The following ADGRL2 variants were observed in gnomAD, a reference collection of about 807,000 sequenced individuals.
The protein encoded by ADGRL2 is calcium-independent alpha-latrotoxin receptor 2.
ADGRL2 carries 44 observed loss-of-function variants against 157.4 expected under a neutral mutation model. That is an observed-to-expected ratio of 0.28 (90% confidence interval 0.22 to 0.36). The LOEUF (loss-of-function observed/expected upper bound fraction) is 0.36. ADGRL2 is among the 10% of genes least tolerant of loss of function. The probability of loss-of-function intolerance (pLI) is 1.00; values close to 1 mark genes in which losing one functional copy is unlikely to be tolerated. For missense variants in ADGRL2, 1,510 were observed against 1,768.9 expected, an observed-to-expected ratio of 0.85 and a Z score of 2.63; for synonymous variants, 585 against 624.7, an observed-to-expected ratio of 0.94 and a Z score of 0.95.
Position 81,324,537 on chromosome 1 carries a change from T to A in ADGRL2, c.-302+18028T>A, listed in dbSNP as rs936227693. Among the ~76,000 whole-genome samples the A allele has an allele frequency of 6.0e-5, 9 of 149,340 alleles. 1 individual carries two copies. In the South Asian group the frequency reaches 1.9e-3, roughly 31 times the overall value. ...AAAAAAAAAATCTATCTATATAATATTTTTAAAATTATATATTAAAAAGTT... is the reference window on the plus strand; with the variant it reads ...AAAAAAAAAATCTATCTATATAATAATTTTAAAATTATATATTAAAAAGTT... On this transcript the variant is annotated intron_variant, in intron 1 of 24. Transcript: ENST00000370721.
At position 81,860,023 on chromosome 1, in the gene ADGRL2, G is replaced by T. The variant is rs149832556; in HGVS notation, c.73+22966G>T. Among the ~76,000 whole-genome samples the T allele has an allele frequency of 3.9e-3, 600 of 151,926 alleles. 3 individuals carry two copies. Among genetic ancestry groups the T allele is most frequent in the African/African-American group, 0.013 (543 of 41,462 alleles). ...GCGAATCACAAGGTCAGGAGTTCCAGACCAGCTTGGCCAACATAGTGAAAC... is the reference window on the plus strand; with the variant it reads ...GCGAATCACAAGGTCAGGAGTTCCATACCAGCTTGGCCAACATAGTGAAAC... On this transcript the variant is annotated intron_variant, in intron 2 of 23. Coordinates refer to ENST00000686636, the MANE Select transcript of ADGRL2 (RefSeq NM_001366006.2).
intron 2 of ADGRL2, among the ~76,000 whole-genome samples, chr1:81,470,101 C>T (rs554989854): frequency 3.3e-5 from 5 of 152,294 alleles, no homozygotes; most frequent in South Asian, 4.1e-4. Context: ...TGTTCTTCTG[C>T]CTTTCAACAA....
At chr1:81,397,216 T>C (rs899209543) in intron 1 of ADGRL2, among the ~76,000 whole-genome samples, 4 of 152,120 alleles carry the variant, frequency 2.6e-5, no homozygotes, top group African/African-American at 9.7e-5. Flanking sequence ...CGGGAATTTA[T>C]CCATTTCCAC....
At chr1:81,522,221 T>C (rs1160205994) in intron 2 of ADGRL2, among the ~76,000 whole-genome samples, 1 of 152,088 alleles carries the variant, frequency 6.6e-6, no homozygotes, top group Non-Finnish European at 1.5e-5. Flanking sequence ...CACCTCAGCC[T>C]CCCAAAGTGC....
intron 1 of ADGRL2, among the ~76,000 whole-genome samples, chr1:81,419,897 A>T (rs532116015): frequency 6.6e-6 from 1 of 152,180 alleles, no homozygotes; most frequent in Admixed American, 6.5e-5. Flanking sequence ...TCTTTTAGGA[A>T]TATATTATTA....
At chr1:81,935,267 C>T (rs1205035556) in intron 3 of ADGRL2, among the ~76,000 whole-genome samples, 2 of 151,846 alleles carry the variant, frequency 1.3e-5, no homozygotes, top group Non-Finnish European at 2.9e-5. Context: ...ATACCATTTA[C>T]ATTATTTACG....
At chr1:81,429,794 G>A (rs139480762) in intron 1 of ADGRL2, among the ~76,000 whole-genome samples, 6 of 152,320 alleles carry the variant, frequency 3.9e-5, no homozygotes, top group Admixed American at 1.3e-4. Flanking sequence ...GCCAGGCAAC[G>A]TTTCGGGTAA....
chr1:81,988,078 TC>T (rs1663702732), intron 23 of ADGRL2, among the ~76,000 whole-genome samples, 192 bp downstream of exon 23: 1 of 152,058 alleles, frequency 6.6e-6, no homozygotes, highest in Admixed American at 6.6e-5. Flanking sequence ...GTAATGGAGG[TC>T]TGTAGCAAAT....
chr1:81,794,803 T>A (rs2087508918), intron 2 of ADGRL2, among the ~76,000 whole-genome samples: 1 of 152,200 alleles, frequency 6.6e-6, no homozygotes, highest in South Asian at 2.1e-4. Flanking sequence ...ATACTATTCT[T>A]TTATTAAGAA....
At chr1:81,403,238 TGTTG>T (rs1437423574) in intron 1 of ADGRL2, among the ~76,000 whole-genome samples, 6 of 96,206 alleles carry the variant, frequency 6.2e-5, no homozygotes, top group Non-Finnish European at 1.1e-4. Flanking sequence ...GTTTTTTTTT[TGTTG>T]TTGTTTGTTT....
chr1:81,418,936 C>G (rs1055573579), intron 1 of ADGRL2, among the ~76,000 whole-genome samples: 3 of 152,138 alleles, frequency 2.0e-5, no homozygotes, highest in African/African-American at 7.2e-5. Flanking sequence ...ATTCTCTATA[C>G]TGAGGTATCC....
chr1:81,666,305 G>A (rs902143954), intron 3 of ADGRL2, among the ~76,000 whole-genome samples: 1 of 152,096 alleles, frequency 6.6e-6, no homozygotes, highest in Non-Finnish European at 1.5e-5. Flanking sequence ...CCAATGAAGT[G>A]GTTTCTGTGG....
Position 81,386,832 on chromosome 1 carries a change from A to G in ADGRL2, c.-301-58204A>G, listed in dbSNP as rs1311771543. 3.3e-5 allele frequency among the ~76,000 whole-genome samples: 5 copies of G among 152,246 alleles called. No homozygotes were observed. The East Asian group carries it at 7.7e-4, about 24-fold the overall frequency. On this transcript the variant is annotated intron_variant, in intron 1 of 24. Transcript: ENST00000370721. ...TTTTTTTTCCCAGCTGAAATGTATT[A>G]ACATATGCTGTACCATCACACAGGA...
chr1:81,993,088 T>TATATATATATATATA lies in ADGRL2; in HGVS notation c.*1943_*1944insATATATATATATATA, dbSNP rs1491265569. 1.9e-3 allele frequency among the ~76,000 whole-genome samples: 37 copies of TATATATATATATATA among 19,664 alleles called. No homozygotes were observed. Among genetic ancestry groups the TATATATATATATATA allele is most frequent in the African/African-American group, 3.4e-3 (14 of 4,074 alleles). The allele number at this position is 19,664 out of a possible 152,430, so 12.9% of individuals were successfully genotyped here. On this transcript the variant is annotated 3_prime_UTR_variant, in exon 24 of 24. Coordinates refer to ENST00000686636, the MANE Select transcript of ADGRL2 (RefSeq NM_001366006.2). ...ATATATATATATATATATATATATA[T>TATATATATATATATA]TTTTTTTTTTTTTTTTTTTTTTTTT...
At chr1:81,747,104 T>C (rs1264832541) in intron 1 of ADGRL2, among the ~76,000 whole-genome samples, 2 of 144,852 alleles carry the variant, frequency 1.4e-5, no homozygotes, top group Non-Finnish European at 3.0e-5. Context: ...AATATATACA[T>C]ATATGTGTAT....
chr1:81,386,469 A>T (rs1189950726), intron 1 of ADGRL2, among the ~76,000 whole-genome samples: 7 of 152,156 alleles, frequency 4.6e-5, no homozygotes, highest in African/African-American at 1.4e-4. Flanking sequence ...ACAGATGTGC[A>T]TCCAATACCA....
chr1:81,703,571 T>G (rs2083641061), intron 1 of ADGRL2, among the ~76,000 whole-genome samples: 1 of 152,048 alleles, frequency 6.6e-6, no homozygotes, highest in African/African-American at 2.4e-5. Context: ...GATCATCTCC[T>G]GGGAGAGTAA....
chr1:81,984,621 C>T lies in ADGRL2; in HGVS notation c.3321C>T (p.Tyr1107=). The T allele has an allele frequency of 6.2e-7, 1 of 1,612,394 alleles. No individual in the cohort carries two copies. The highest frequency in any genetic ancestry group is 8.5e-7 in the Non-Finnish European group (1 of 1,178,832). The change falls in exon 20 of 24, where the codon TAC becomes TAT. Residue 1107 remains tyrosine (Y), a synonymous_variant. Transcript: ENST00000686636. ...ATGGCAAGTGCTTCAGACACTCATA[C>T]TGCTGTGGAGGCCTCCCAACTGAGA... ...KEYGKCFRHS[Y]CCGGLPTESP...
chr1:81,887,740 G>C (rs550450732), intron 2 of ADGRL2, among the ~76,000 whole-genome samples: 23 of 152,246 alleles, frequency 1.5e-4, no homozygotes, highest in Admixed American at 9.2e-4. Flanking sequence ...AAAAAGAGGA[G>C]AAAGGTGCAA....
Sources: allele counts gnomAD v4.1 joint callset (sites outside exome capture counted in the v4.1 genomes callset), GRCh38; gene constraint gnomAD v4.1.1; transcripts MANE v1.5; gene names NCBI Gene and HGNC (gene_info 2026-07-23, HGNC 2026-07-21).